The following DOCK8 variants were observed in gnomAD, a reference collection of about 807,000 sequenced individuals.
The protein encoded by DOCK8 is dedicator of cytokinesis protein 8.
Under a neutral mutation model 245.6 loss-of-function variants are expected in DOCK8, and 141 were observed. The observed-to-expected ratio is 0.57, with a 90% CI of 0.50 to 0.66. The LOEUF is 0.66. DOCK8 is among the 30% of genes least tolerant of loss of function. DOCK8 has a pLI of 0.00. For missense variants in DOCK8, 2,965 were observed against 2,603.4 expected (o/e 1.14, Z -3.02); for synonymous variants, 1,168 against 970.2 (o/e 1.20, Z -3.79).
At position 348,573 on chromosome 9, in the gene DOCK8, G is replaced by C. The variant is rs146211361; in HGVS notation, c.1679+8252G>C. Among the ~76,000 whole-genome samples the C allele has an allele frequency of 4.3e-3, 652 of 152,310 alleles. 4 individuals are homozygous for C. The highest frequency in any genetic ancestry group is 6.0e-3 in the Non-Finnish European group (407 of 68,032). The stretch of plus-strand genomic sequence containing the variant: ...TCTACATGAGTTGCCCTGGTTGGTG[G>C]AGGCAGAAGCAATGGAGAAGTGGTG... On this transcript the variant is annotated intron_variant, in intron 14 of 47. Transcript: ENST00000432829.
intron 3 of DOCK8, among the ~76,000 whole-genome samples, chr9:288,836 C>G (rs916180103): frequency 6.6e-6 from 1 of 152,194 alleles, no homozygotes; most frequent in African/African-American, 2.4e-5. Context: ...CTGTTCTTAC[C>G]TCCTTATCAC....
intron 2 of DOCK8, among the ~76,000 whole-genome samples, chr9:284,751 A>C (rs2048740104): frequency 6.6e-6 from 1 of 152,244 alleles, no homozygotes; most frequent in Non-Finnish European, 1.5e-5. Flanking sequence ...ACCATGGAAT[A>C]CTATGCAGCC....
At chr9:218,446 A>C (rs1298556452) in intron 1 of DOCK8, among the ~76,000 whole-genome samples, 1 of 152,122 alleles carries the variant, frequency 6.6e-6, no homozygotes, top group African/African-American at 2.4e-5. Flanking sequence ...CTTCATTTCC[A>C]TTTTTTTGTT....
chr9:390,916 T>C (rs2054164948), intron 24 of DOCK8, among the ~76,000 whole-genome samples: 1 of 152,210 alleles, frequency 6.6e-6, no homozygotes, highest in Non-Finnish European at 1.5e-5. Flanking sequence ...AAACAGAGAA[T>C]GTCACGCTCC....
chr9:461,123 G>C (rs1394763883), intron 46 of DOCK8, among the ~76,000 whole-genome samples: 1 of 152,176 alleles, frequency 6.6e-6, no homozygotes, highest in Non-Finnish European at 1.5e-5. Context: ...AGGAGACAGG[G>C]AAAACACCAG....
chr9:267,365 C>T (rs1391753506), intron 1 of DOCK8, among the ~76,000 whole-genome samples: 1 of 152,134 alleles, frequency 6.6e-6, no homozygotes, highest in Admixed American at 6.5e-5. Flanking sequence ...ACCACCATAC[C>T]TGGCTAATTT....
At chr9:370,193 T>C (rs1310933764) in intron 15 of DOCK8, 37 bp from the exon 16 acceptor site, 2 of 1,554,238 alleles carry the variant, frequency 1.3e-6, no homozygotes, top group East Asian at 2.2e-5. Flanking sequence ...TACCCAAATG[T>C]TACTGATAAT....
intron 9 of DOCK8, among the ~76,000 whole-genome samples, chr9:329,174 A>C (rs1296737410): frequency 6.6e-6 from 1 of 150,870 alleles, no homozygotes. Flanking sequence ...CTGATCTCAA[A>C]CTCCTGATCT....
intron 14 of DOCK8, among the ~76,000 whole-genome samples, chr9:351,475 T>G (rs528582196): frequency 6.6e-6 from 1 of 152,364 alleles, no homozygotes; most frequent in East Asian, 1.9e-4. Context: ...AAAGCTGTGA[T>G]TACAGCTGCC....
intron 3 of DOCK8, among the ~76,000 whole-genome samples, chr9:288,196 G>C (rs1479879310): frequency 2.0e-5 from 3 of 152,034 alleles, no homozygotes; most frequent in African/African-American, 7.2e-5. Flanking sequence ...TACTATTTCA[G>C]TTGTTGCCAA....
At chr9:342,539 G>A (rs552633683) in intron 14 of DOCK8, among the ~76,000 whole-genome samples, 35 of 151,708 alleles carry the variant, frequency 2.3e-4, no homozygotes, top group African/African-American at 7.7e-4. Flanking sequence ...ACATGATCTC[G>A]GTTCACTGCA....
chr9:405,064 A>T lies in DOCK8; in HGVS notation c.3381A>T (p.Ile1127=). 1 of 1,613,428 alleles carries T rather than the reference A, an allele frequency of 6.2e-7. No individual in the cohort carries two copies. Among genetic ancestry groups the T allele is most frequent in the Non-Finnish European group, 8.5e-7 (1 of 1,179,658 alleles). ...DTAPTSPCPS[I]SSQNSSSCSS... is the part of the protein sequence containing the mutation. ...CTCCAACATCTCCTTGTCCTTCCAT[A>T]TCTTCCCAGGTAATAAAAGAATTAT... The change falls in exon 27 of 48, where the codon ATA becomes ATT. Residue 1127 remains isoleucine (I), a synonymous_variant. Transcript: ENST00000432829.
At chr9:294,114 T>C (rs1725719509) in intron 4 of DOCK8, among the ~76,000 whole-genome samples, 1 of 152,254 alleles carries the variant, frequency 6.6e-6, no homozygotes, top group Non-Finnish European at 1.5e-5. Flanking sequence ...AAAATAACTG[T>C]CCATGTCAGA....
At chr9:245,864 A>C (rs1229708647) in intron 1 of DOCK8, among the ~76,000 whole-genome samples, 1 of 152,224 alleles carries the variant, frequency 6.6e-6, no homozygotes, top group African/African-American at 2.4e-5. Context: ...GCTGGACAAA[A>C]TGATAGGGGA....
At chr9:420,135 G>A (rs919966355) in intron 30 of DOCK8, 1 of 519,312 alleles carries the variant, frequency 1.9e-6, no homozygotes, top group Non-Finnish European at 3.5e-6. Flanking sequence ...CTAAGACAGA[G>A]GTACTCAGAT....
Position 289,419 on chromosome 9 carries a change from A to T in DOCK8, c.333-91A>T, listed in dbSNP as rs975223913. Reference sequence around the variant, plus strand: ...TAAGCATTCTCACTGATAAGGATTTAAATTCGTGTCATGTTCCTTGCTCAT... The same window carrying T: ...TAAGCATTCTCACTGATAAGGATTTTAATTCGTGTCATGTTCCTTGCTCAT... On this transcript the variant is annotated intron_variant, in intron 3 of 47. Transcript: ENST00000432829. 29 of 1,014,782 alleles carry T rather than the reference A, an allele frequency of 2.9e-5. No homozygotes were observed. In the African/African-American group the frequency reaches 4.4e-4, roughly 16 times the overall value. 62.9% of individuals were successfully genotyped at this position (1,014,782 alleles called of 1,614,324 possible).
chr9:330,328 C>T (rs1002151801), intron 9 of DOCK8, among the ~76,000 whole-genome samples: 1 of 152,040 alleles, frequency 6.6e-6, no homozygotes. Context: ...TCATAAGTTG[C>T]GATGGGCCTA....
At chr9:403,949 T>TATATAC (rs2055275687) in intron 26 of DOCK8, among the ~76,000 whole-genome samples, 5 of 83,046 alleles carry the variant, frequency 6.0e-5, no homozygotes, top group Non-Finnish European at 1.0e-4. Flanking sequence ...TATATGTGTA[T>TATATAC]ATATATATAT....
Position 428,463 on chromosome 9 carries a change from C to G in DOCK8, c.4440C>G (p.His1480Gln). The change falls in exon 35 of 48, where the codon CAC becomes CAG. Residue 1480 changes from histidine to glutamine, a missense_variant. His to Gln is a conservative substitution (Grantham distance 24, BLOSUM62 0). Coordinates refer to ENST00000432829, the MANE Select transcript of DOCK8 (RefSeq NM_203447.4). ...NCDQSTTYLT[H>Q]CFATLRALIA... ...ATCAGAGTACCACCTACCTGACTCA[C>G]TGCTTTGCAACACTCCGTGCTCTCA... 6.2e-7 allele frequency: 1 copy of G among 1,614,206 alleles called. No homozygotes were observed. The highest frequency in any genetic ancestry group is 8.5e-7 in the Non-Finnish European group (1 of 1,180,032).
Sources: allele counts gnomAD v4.1 joint callset (sites outside exome capture counted in the v4.1 genomes callset), GRCh38; gene constraint gnomAD v4.1.1; transcripts MANE v1.5; gene names NCBI Gene and HGNC (gene_info 2026-07-23, HGNC 2026-07-21).